Variants in CHST11 observed in about 807,000 individuals in gnomAD.
The protein encoded by CHST11 is C4S-1.
A neutral mutation model predicts 30.4 loss-of-function variants in CHST11; 9 were observed. The observed-to-expected ratio is 0.30, with a 90% confidence interval of 0.18 to 0.52. The LOEUF (loss-of-function observed/expected upper bound fraction) is 0.52, where lower values mean the gene tolerates loss of function less well. Among genes scored for constraint, CHST11 ranks in the 20% least tolerant of loss-of-function variants. The pLI, the probability that CHST11 is intolerant of heterozygous loss-of-function variation, is 0.97. For missense variants in CHST11, 348 were observed against 460.6 expected (o/e 0.76, Z 2.24); for synonymous variants, 152 against 187.8 (o/e 0.81, Z 1.56).
At chr12:104,597,244 TA>T (rs2038914391) in intron 1 of CHST11, among the ~76,000 whole-genome samples, 1 of 152,140 alleles carries the variant, frequency 6.6e-6, no homozygotes, top group Non-Finnish European at 1.5e-5. Flanking sequence ...GTGGGAGATA[TA>T]GAACTGTTCC....
rs10628757 is a variant in CHST11 at position 104,519,071 on chromosome 12, G to GGTGTGTGTGTGTGTGTGTGT, written c.118+61557_118+61576dup. On this transcript the variant is annotated intron_variant, in intron 1 of 2. Transcript: ENST00000303694. The stretch of plus-strand genomic sequence containing the variant: ...TTGAGGCCTAGGCCTGGACTCTTGA[G>GGTGTGTGTGTGTGTGTGTGT]GTGTGTGTGTGTGTGTGTGTGTGTG... 7.0e-3 allele frequency among the ~76,000 whole-genome samples: 974 copies of GGTGTGTGTGTGTGTGTGTGT among 139,586 alleles called. 15 individuals are homozygous for GGTGTGTGTGTGTGTGTGTGT. Among genetic ancestry groups the GGTGTGTGTGTGTGTGTGTGT allele is most frequent in the African/African-American group, 0.025 (918 of 36,918 alleles). 91.6% of individuals were successfully genotyped at this position (139,586 alleles called of 152,430 possible).
At chr12:104,674,970 T>TAC (rs2039727484) in intron 2 of CHST11, among the ~76,000 whole-genome samples, 1 of 152,238 alleles carries the variant, frequency 6.6e-6, no homozygotes, top group Non-Finnish European at 1.5e-5. Context: ...CAGGTCCTGA[T>TAC]ACATAGTGAC....
chr12:104,468,302 G>T (rs562283064), intron 1 of CHST11, among the ~76,000 whole-genome samples: 5 of 152,132 alleles, frequency 3.3e-5, no homozygotes, highest in Non-Finnish European at 7.4e-5. Context: ...ATTATTTACC[G>T]AAGGCCAACT....
chr12:104,557,575 C>A (rs371750905), intron 1 of CHST11, among the ~76,000 whole-genome samples: 4 of 151,844 alleles, frequency 2.6e-5, no homozygotes, highest in Non-Finnish European at 5.9e-5. Context: ...GAGAGGAGGG[C>A]GGCTGGACAG....
intron 1 of CHST11, among the ~76,000 whole-genome samples, chr12:104,545,583 C>T (rs1211094991): frequency 6.6e-6 from 1 of 152,176 alleles, no homozygotes; most frequent in Non-Finnish European, 1.5e-5. Context: ...ATCACTGTAC[C>T]AGGTTCCATA....
chr12:104,612,028 T>G (rs1020999523), intron 2 of CHST11, among the ~76,000 whole-genome samples: 1 of 152,162 alleles, frequency 6.6e-6, no homozygotes, highest in Non-Finnish European at 1.5e-5. Flanking sequence ...GCCCTGTTTC[T>G]CAATTCCTTC....
At chr12:104,582,541 G>C (rs2038756784) in intron 1 of CHST11, among the ~76,000 whole-genome samples, 2 of 152,118 alleles carry the variant, frequency 1.3e-5, no homozygotes, top group African/African-American at 4.8e-5. Flanking sequence ...GATGCAACTG[G>C]AGTTTAAGTT....
intron 2 of CHST11, among the ~76,000 whole-genome samples, chr12:104,732,650 T>C (rs945250986): frequency 6.6e-6 from 1 of 152,180 alleles, no homozygotes. Context: ...AGCCACCAAA[T>C]GTCCCTCCTG....
In CHST11 at chr12:104,676,200, A is replaced by G. The variant is rs529831270; in HGVS notation, c.204+74209A>G. On this transcript the variant is annotated intron_variant, in intron 2 of 2. Transcript: ENST00000303694. This position sits in a 1 kb window ranked among gnomAD's most constrained non-coding sequence, Gnocchi z 4.4. ...TACAAAGTAGAGGCTGAAACAATAT[A>G]AATGTGTTATTTTACTGTTCTGGAG... Among the ~76,000 whole-genome samples, 1 of 152,340 alleles carries G rather than the reference A, an allele frequency of 6.6e-6. No individual in the cohort carries two copies. Among genetic ancestry groups the G allele is most frequent in the South Asian group, 2.1e-4 (1 of 4,830 alleles).
intron 2 of CHST11, among the ~76,000 whole-genome samples, chr12:104,673,130 C>G (rs1467109884): frequency 6.6e-6 from 1 of 152,160 alleles, no homozygotes; most frequent in Non-Finnish European, 1.5e-5. Flanking sequence ...CCTCTTCTGT[C>G]TTCTTTTTTG....
At chr12:104,508,534 A>G (rs1041461373) in intron 1 of CHST11, among the ~76,000 whole-genome samples, 4 of 152,224 alleles carry the variant, frequency 2.6e-5, no homozygotes, top group African/African-American at 7.2e-5. Flanking sequence ...AATAACTGGG[A>G]AAAACAAAGC....
Position 104,761,051 on chromosome 12 carries a change from C to G in CHST11, c.*3248C>G, listed in dbSNP as rs1400207851. On this transcript the variant is annotated 3_prime_UTR_variant, in exon 3 of 3. Coordinates refer to ENST00000303694, the MANE Select transcript of CHST11 (RefSeq NM_018413.6). ...CCAGGGCAGTATTTGCAAGGACATT[C>G]CTGCTTACTTTATCCCTTTGGTTGG... 6.6e-6 allele frequency: 1 copy of G among 152,240 alleles called. No homozygotes were observed. The highest frequency in any genetic ancestry group is 1.5e-5 in the Non-Finnish European group (1 of 68,076). The allele number at this position is 152,240 out of a possible 1,614,324, so 9.4% of individuals were successfully genotyped here.
At chr12:104,640,657 A>T (rs2039367821) in intron 2 of CHST11, among the ~76,000 whole-genome samples, 1 of 152,202 alleles carries the variant, frequency 6.6e-6, no homozygotes, top group Non-Finnish European at 1.5e-5. Flanking sequence ...AAACTACTCT[A>T]TGCAATGCTT....
rs1357141284 is a variant in CHST11 at position 104,676,569 on chromosome 12, C to G, written c.204+74578C>G. ...AGCCGGGACTGCAGACATGTGCCAC[C>G]ACGCCTGGCTAATTTTTGTATTTTT... On this transcript the variant is annotated intron_variant, in intron 2 of 2. Transcript: ENST00000303694. The surrounding 1 kb of genome is among the most constrained non-coding windows in gnomAD (Gnocchi z 4.4). Among the ~76,000 whole-genome samples the G allele has an allele frequency of 6.6e-6, 1 of 152,232 alleles. No homozygotes were observed. The highest frequency in any genetic ancestry group is 2.4e-5 in the African/African-American group (1 of 41,462).
At position 104,549,813 on chromosome 12, in the gene CHST11, G is replaced by A. The variant is rs546361587; in HGVS notation, c.119-52093G>A. 9.9e-5 allele frequency among the ~76,000 whole-genome samples: 15 copies of A among 152,228 alleles called. No homozygotes were observed. The East Asian group carries it at 2.1e-3, about 22-fold the overall frequency. On this transcript the variant is annotated intron_variant, in intron 1 of 2. Transcript: ENST00000303694. ...TCCCAGCTACTCGGGAGGCTGAGGT[G>A]GGAGAATCTCTTGAGCCTGGGAGGT...
chr12:104,514,757 C>T (rs779848211), intron 1 of CHST11, among the ~76,000 whole-genome samples: 4 of 152,128 alleles, frequency 2.6e-5, no homozygotes, highest in South Asian at 2.1e-4. Flanking sequence ...ACTAACAGAG[C>T]GACAAGTCAC....
intron 2 of CHST11, among the ~76,000 whole-genome samples, chr12:104,702,958 G>A (rs2040001889): frequency 6.6e-6 from 1 of 152,200 alleles, no homozygotes; most frequent in Non-Finnish European, 1.5e-5. Context: ...CAGCCTGGAG[G>A]GGACGGCAGG....
intron 1 of CHST11, among the ~76,000 whole-genome samples, chr12:104,541,910 CAG>C (rs922121078): frequency 6.6e-6 from 1 of 152,212 alleles, no homozygotes; most frequent in African/African-American, 2.4e-5. Flanking sequence ...GCCTGAGAGA[CAG>C]AGCGAGACTC....
At chr12:104,503,155 C>G (rs910884618) in intron 1 of CHST11, among the ~76,000 whole-genome samples, 4 of 152,200 alleles carry the variant, frequency 2.6e-5, no homozygotes, top group African/African-American at 7.2e-5. Flanking sequence ...ATCCAGACAT[C>G]GTCAGGGTGG....
Sources: gnomAD v4.1 joint callset for allele counts (sites outside exome capture counted in the v4.1 genomes callset) on GRCh38, gnomAD v4.1.1 for gene constraint, Gnocchi (gnomAD v3.1) non-coding constraint, MANE v1.5 for transcripts, NCBI Gene and HGNC (gene_info 2026-07-23, HGNC 2026-07-21) for gene names.